The following LRRIQ1 variants were observed in gnomAD, a reference collection of about 807,000 sequenced individuals.
LRRIQ1 encodes leucine rich repeats and IQ motif containing 1.
Under a neutral mutation model 211.9 loss-of-function variants are expected in LRRIQ1, and 210 were observed. The observed-to-expected ratio is 0.99, with a 90% CI of 0.89 to 1.11. The LOEUF (loss-of-function observed/expected upper bound fraction) is 1.11, where lower values mean the gene tolerates loss of function less well. LRRIQ1 is among the 50% of genes most tolerant of loss of function. LRRIQ1 has a pLI of 0.00. For missense variants in LRRIQ1, 2,136 were observed against 1,939.5 expected (o/e 1.10, Z -1.90); for synonymous variants, 699 against 650.1 (o/e 1.08, Z -1.14).
At chr12:85,100,825 A>G (rs1886294512) in intron 13 of LRRIQ1, among the ~76,000 whole-genome samples, 1 of 151,808 alleles carries the variant, frequency 6.6e-6, no homozygotes, top group South Asian at 2.1e-4. Context: ...GTGTAAAGAT[A>G]ATCTTCAACC....
chr12:85,197,113 C>G (rs1892960246), intron 24 of LRRIQ1, among the ~76,000 whole-genome samples: 1 of 152,096 alleles, frequency 6.6e-6, no homozygotes, highest in South Asian at 2.1e-4. Context: ...AAATGCAAAT[C>G]AAAACCACAA....
At chr12:85,254,052 A>G (rs529591744) in intron 1 of LRRIQ1, among the ~76,000 whole-genome samples, 1 of 152,118 alleles carries the variant, frequency 6.6e-6, no homozygotes, top group South Asian at 2.1e-4. Flanking sequence ...ATAGTGAGTC[A>G]GTTCTTCTGA....
At chr12:85,192,343 T>C (rs543524204) in intron 24 of LRRIQ1, among the ~76,000 whole-genome samples, 3 of 145,154 alleles carry the variant, frequency 2.1e-5, no homozygotes, top group South Asian at 4.2e-4. Flanking sequence ...GATCTCATTC[T>C]TTTTTTATGG....
intron 1 of LRRIQ1, chr12:85,262,772 A>C (rs2137343013): frequency 4.5e-6 from 1 of 223,812 alleles, no homozygotes; most frequent in South Asian, 1.6e-4. Flanking sequence ...AACAAAAATA[A>C]GCTCAACAAA....
At chr12:85,126,266 T>C (rs1888364792) in intron 17 of LRRIQ1, among the ~76,000 whole-genome samples, 1 of 152,178 alleles carries the variant, frequency 6.6e-6, no homozygotes, top group Non-Finnish European at 1.5e-5. Context: ...GCTGAGGAAT[T>C]CATGCAATCA....
At chr12:85,150,228 T>C (rs935705792) in intron 19 of LRRIQ1, among the ~76,000 whole-genome samples, 2 of 151,790 alleles carry the variant, frequency 1.3e-5, no homozygotes, top group African/African-American at 4.8e-5. Flanking sequence ...TAATATTGTC[T>C]CCTTCACATT....
At position 85,121,563 on chromosome 12, in the gene LRRIQ1, A is replaced by G. The variant is rs530140752; in HGVS notation, c.3378-134A>G. 26 of 610,676 alleles carry G rather than the reference A, an allele frequency of 4.3e-5. No homozygotes were observed. The African/African-American group carries it at 4.4e-4, about 10-fold the overall frequency. The allele number at this position is 610,676 out of a possible 1,614,324, so 37.8% of individuals were successfully genotyped here. On this transcript the variant is annotated intron_variant, in intron 15 of 26. Coordinates refer to ENST00000393217, the MANE Select transcript of LRRIQ1 (RefSeq NM_001079910.2). ...AACAAAAACAAAATCTAACTCTATC[A>G]TTTTCCCTACAGTCACATTTTCTGA...
intron 24 of LRRIQ1, among the ~76,000 whole-genome samples, chr12:85,207,353 G>A (rs961347807): frequency 6.6e-6 from 1 of 151,802 alleles, no homozygotes; most frequent in African/African-American, 2.4e-5. Context: ...ACTTTCATAT[G>A]GTTGGCCATC....
intron 11 of LRRIQ1, among the ~76,000 whole-genome samples, chr12:85,079,211 C>T (rs1360683833): frequency 6.6e-6 from 1 of 150,864 alleles, no homozygotes; most frequent in Non-Finnish European, 1.5e-5. Flanking sequence ...CTTTGAGAAC[C>T]ACTAGTTTAG....
chr12:85,148,660 T>C (rs1890044782), intron 19 of LRRIQ1, among the ~76,000 whole-genome samples: 1 of 152,060 alleles, frequency 6.6e-6, no homozygotes, highest in African/African-American at 2.4e-5. Context: ...TTTGGGTATA[T>C]ACCTAGTAAT....
At chr12:85,072,089 G>A (rs1192127729) in intron 10 of LRRIQ1, among the ~76,000 whole-genome samples, 3 of 151,592 alleles carry the variant, frequency 2.0e-5, no homozygotes, top group Non-Finnish European at 4.4e-5. Context: ...TTTTTCAATC[G>A]TATTGACATA....
At chr12:85,057,449 T>C (rs553927421) in intron 8 of LRRIQ1, among the ~76,000 whole-genome samples, 2 of 152,186 alleles carry the variant, frequency 1.3e-5, no homozygotes, top group South Asian at 4.1e-4. Flanking sequence ...CCTCCAGTCA[T>C]TATTTAAACC....
chr12:85,182,979 T>C (rs1268894291), intron 24 of LRRIQ1, among the ~76,000 whole-genome samples: 1 of 152,178 alleles, frequency 6.6e-6, no homozygotes, highest in Non-Finnish European at 1.5e-5. Flanking sequence ...TGAAAAGTTG[T>C]AAAAGACTGC....
chr12:85,249,090 C>T (rs1049284505), downstream of LRRIQ1, among the ~76,000 whole-genome samples: 2 of 151,628 alleles, frequency 1.3e-5, no homozygotes, highest in Non-Finnish European at 3.0e-5. Flanking sequence ...CATACTTCCT[C>T]TAATATATTG....
chr12:85,213,390 A>G (rs1271746159), intron 24 of LRRIQ1, among the ~76,000 whole-genome samples: 1 of 152,026 alleles, frequency 6.6e-6, no homozygotes, highest in African/African-American at 2.4e-5. Flanking sequence ...ACTATATTGG[A>G]TGATTTTAAG....
chr12:85,158,212 T>C (rs567530596), intron 23 of LRRIQ1, among the ~76,000 whole-genome samples: 2 of 151,716 alleles, frequency 1.3e-5, no homozygotes, highest in South Asian at 4.1e-4. Flanking sequence ...TAGCACCTGG[T>C]AGATATCCAA....
intron 11 of LRRIQ1, among the ~76,000 whole-genome samples, chr12:85,080,523 CATTT>C (rs1473525153): frequency 2.6e-5 from 4 of 151,144 alleles, no homozygotes; most frequent in Non-Finnish European, 5.9e-5. Context: ...TTGTATATTT[CATTT>C]GTCTCCATGT....
intron 24 of LRRIQ1, among the ~76,000 whole-genome samples, chr12:85,196,081 T>C (rs1187476149): frequency 2.6e-5 from 4 of 152,006 alleles, no homozygotes; most frequent in African/African-American, 9.7e-5. Context: ...TCACAATTGC[T>C]TCAAGGAGAA....
chr12:85,222,375 G>C (rs1041055506), intron 24 of LRRIQ1, among the ~76,000 whole-genome samples: 3 of 152,150 alleles, frequency 2.0e-5, no homozygotes, highest in South Asian at 2.1e-4. Context: ...CCTTGGAAGA[G>C]ACTGGGGTTT....
Sources: gnomAD v4.1 joint callset for allele counts (sites outside exome capture counted in the v4.1 genomes callset) on GRCh38, gnomAD v4.1.1 for gene constraint, MANE v1.5 for transcripts, NCBI Gene and HGNC (gene_info 2026-07-23, HGNC 2026-07-21) for gene names.